STAG1: variants seen among roughly 807,000 people sequenced by gnomAD.
STAG1 encodes the protein cohesin subunit SA-1.
In STAG1, 26 loss-of-function variants were observed where a neutral mutation model predicts 170.9. The ratio of observed to expected loss-of-function variants is 0.15; its 90% CI spans 0.11 to 0.21. The LOEUF is 0.21. Ranked by LOEUF, STAG1 falls within the 10% of genes least tolerant of loss-of-function variation. The pLI is 1.00. For missense variants in STAG1, 964 were observed against 1,509.5 expected (o/e 0.64, Z 5.99); for synonymous variants, 514 against 497.7 (o/e 1.03, Z -0.44).
chr3:136,498,233 T>TATATATATACACAC, intron 9 of STAG1, among the ~76,000 whole-genome samples: 8 of 57,492 alleles, frequency 1.4e-4, no homozygotes, highest in Non-Finnish European at 1.7e-4. Flanking sequence ...TATATATATA[T>TATATATATACACAC]ACACATACAT....
intron 5 of STAG1, among the ~76,000 whole-genome samples, chr3:136,551,266 A>AGAGAGAGAGAGC (rs1559874454): frequency 7.1e-6 from 1 of 140,274 alleles, no homozygotes; most frequent in African/African-American, 2.7e-5. Flanking sequence ...AGAGAGGGAG[A>AGAGAGAGAGAGC]GCGAGAGAGC....
intron 1 of STAG1, among the ~76,000 whole-genome samples, chr3:136,635,520 G>A (rs546833240): frequency 6.6e-6 from 1 of 152,232 alleles, no homozygotes; most frequent in South Asian, 2.1e-4. Context: ...ACATGTAATG[G>A]AGAGAAACTC....
intron 3 of STAG1, among the ~76,000 whole-genome samples, chr3:136,607,331 T>TTCAA (rs1188554098): frequency 6.6e-5 from 10 of 152,232 alleles, no homozygotes; most frequent in Admixed American, 6.5e-4. Flanking sequence ...CATTTATTTA[T>TTCAA]TCAATCATTT....
chr3:136,612,731 C>CA (rs567649929), intron 3 of STAG1, among the ~76,000 whole-genome samples: 1 of 152,166 alleles, frequency 6.6e-6, no homozygotes. Context: ...ATAGGTCATT[C>CA]AAAAAAATTG....
chr3:136,473,720 G>A (rs2089678534), intron 10 of STAG1, 83 bp from the exon 11 acceptor site: 4 of 1,001,758 alleles, frequency 4.0e-6, no homozygotes, highest in South Asian at 1.4e-5. Flanking sequence ...CTAAAATTTA[G>A]CTTAAACATT....
chr3:136,467,693 C>T (rs1230950423), intron 12 of STAG1, among the ~76,000 whole-genome samples: 3 of 152,176 alleles, frequency 2.0e-5, no homozygotes, highest in African/African-American at 4.8e-5. Context: ...CACCCCAAAT[C>T]AACAGAATAT....
At chr3:136,646,850 T>C (rs772446072) in intron 1 of STAG1, among the ~76,000 whole-genome samples, 3 of 151,880 alleles carry the variant, frequency 2.0e-5, no homozygotes, top group Non-Finnish European at 4.4e-5. Context: ...AGGTGGAGGT[T>C]GCAGTGAGCC....
At chr3:136,398,616 T>C in intron 22 of STAG1, 133 bp downstream of exon 22, 1 of 369,516 alleles carries the variant, frequency 2.7e-6, no homozygotes, top group Non-Finnish European at 4.3e-6. Flanking sequence ...CAAGAACTGG[T>C]AATAGTCATA....
intron 1 of STAG1, among the ~76,000 whole-genome samples, chr3:136,727,034 T>C (rs1033976731): frequency 6.6e-6 from 1 of 152,226 alleles, no homozygotes; most frequent in Non-Finnish European, 1.5e-5. Context: ...CCCTCAGAGA[T>C]GCCTTTCCTG....
chr3:136,370,994 A>G (rs1291864637), intron 23 of STAG1, among the ~76,000 whole-genome samples: 2 of 152,050 alleles, frequency 1.3e-5, no homozygotes, highest in Non-Finnish European at 2.9e-5. Context: ...AAGTGTTCCT[A>G]TTTCTCCACA....
At chr3:136,710,127 A>C (rs753533118) in intron 1 of STAG1, among the ~76,000 whole-genome samples, 2 of 152,194 alleles carry the variant, frequency 1.3e-5, no homozygotes, top group Non-Finnish European at 2.9e-5. Context: ...ACAATACAAC[A>C]GCATTTTTGG....
chr3:136,477,226 T>A, intron 10 of STAG1, 63 bp downstream of exon 10: 1 of 1,502,718 alleles, frequency 6.7e-7, no homozygotes, highest in Non-Finnish European at 8.9e-7. Flanking sequence ...TCATTTTGAT[T>A]CCCAGCATTT....
intron 3 of STAG1, among the ~76,000 whole-genome samples, chr3:136,622,304 G>T (rs111628094): frequency 4.6e-5 from 7 of 152,164 alleles, no homozygotes; most frequent in African/African-American, 1.4e-4. Flanking sequence ...GGGCAACAGA[G>T]TGAGACTCGA....
Position 136,477,300 on chromosome 3 carries a change from G to A in STAG1, c.1015C>T (p.Leu339Phe). 6.2e-7 allele frequency: 1 copy of A among 1,611,618 alleles called. No individual in the cohort carries two copies. The highest frequency in any genetic ancestry group is 8.5e-7 in the Non-Finnish European group (1 of 1,179,028). ...DSYLKYVGWT[L>F]HDRQGEVRLK... Reference sequence around the variant, plus strand: ...ACAGAGTAACTTACCCTGTCATGAAGAGTCCAGCCAACATATTTTAGGTAA... The same window carrying A: ...ACAGAGTAACTTACCCTGTCATGAAAAGTCCAGCCAACATATTTTAGGTAA... Residue 339 changes from leucine to phenylalanine, a missense_variant, in exon 10 of 34, where the codon CTT (leucine) becomes TTT (phenylalanine). Leu to Phe is a conservative substitution (Grantham distance 22). Coordinates refer to ENST00000383202, the MANE Select transcript of STAG1 (RefSeq NM_005862.3).
At chr3:136,504,962 A>G (rs1933680137) in intron 7 of STAG1, among the ~76,000 whole-genome samples, 2 of 152,202 alleles carry the variant, frequency 1.3e-5, no homozygotes, top group Admixed American at 6.5e-5. Flanking sequence ...CTTCGGAAAC[A>G]TATTAGGTAT....
chr3:136,525,828 T>G (rs934396834), intron 6 of STAG1, among the ~76,000 whole-genome samples: 4 of 152,220 alleles, frequency 2.6e-5, no homozygotes, highest in African/African-American at 9.6e-5. Context: ...ACAACATCTT[T>G]ATTTCTGCCT....
intron 4 of STAG1, among the ~76,000 whole-genome samples, chr3:136,576,431 G>A (rs1381661575): frequency 1.3e-5 from 2 of 152,070 alleles, no homozygotes; most frequent in Admixed American, 6.6e-5. Context: ...GATCCTCAAT[G>A]AGAAAGCTAT....
At chr3:136,682,443 T>TAA (rs1428515992) in intron 1 of STAG1, among the ~76,000 whole-genome samples, 1 of 137,172 alleles carries the variant, frequency 7.3e-6, no homozygotes, top group East Asian at 2.0e-4. Context: ...AAAAAAAAAA[T>TAA]AAAATATATA....
At chr3:136,438,887 AAAG>A (rs1173102151) in intron 15 of STAG1, among the ~76,000 whole-genome samples, 1 of 152,132 alleles carries the variant, frequency 6.6e-6, no homozygotes, top group East Asian at 1.9e-4. Flanking sequence ...AGAAATAACC[AAAG>A]AAGATTATCT....
Sources: gnomAD v4.1 joint callset for allele counts (sites outside exome capture counted in the v4.1 genomes callset) on GRCh38, gnomAD v4.1.1 for gene constraint, MANE v1.5 for transcripts, NCBI Gene and HGNC (gene_info 2026-07-23, HGNC 2026-07-21) for gene names.